The following GRK3 variants were observed in gnomAD, a reference collection of about 807,000 sequenced individuals.
GRK3 encodes G protein-coupled receptor kinase 3.
Under a neutral mutation model 95.7 loss-of-function variants are expected in GRK3, and 54 were observed. That is an observed-to-expected ratio of 0.56 (90% CI 0.45 to 0.71). The LOEUF is 0.71. Ranked by LOEUF, GRK3 falls within the 30% of genes least tolerant of loss-of-function variation. The pLI is 0.00. For synonymous variants in GRK3, 281 were observed against 290.8 expected (o/e 0.97, Z 0.34); for missense variants, 649 against 851.2 (o/e 0.76, Z 2.96).
At chr22:25,592,217 G>C (rs1413658158) in intron 1 of GRK3, among the ~76,000 whole-genome samples, 2 of 152,132 alleles carry the variant, frequency 1.3e-5, no homozygotes, top group Non-Finnish European at 2.9e-5. Context: ...ATTTTAATTC[G>C]CCTTTTCCTA....
intron 1 of GRK3, among the ~76,000 whole-genome samples, chr22:25,590,548 G>A (rs974226011): frequency 7.2e-5 from 11 of 152,300 alleles, no homozygotes; most frequent in African/African-American, 1.7e-4. Flanking sequence ...CAGGCCGGGC[G>A]CGGTGGCTCA....
chr22:25,718,936 AC>A (rs2085408616), intron 19 of GRK3, among the ~76,000 whole-genome samples: 2 of 152,244 alleles, frequency 1.3e-5, no homozygotes, highest in South Asian at 4.1e-4. Flanking sequence ...CAGAAAAAAA[AC>A]AACACAGTCT....
At chr22:25,582,702 CAGGTGGCATTTCG>C (rs1165592634) in intron 1 of GRK3, among the ~76,000 whole-genome samples, 1 of 152,146 alleles carries the variant, frequency 6.6e-6, no homozygotes, top group Non-Finnish European at 1.5e-5. Context: ...ATGTTAAATA[CAGGTGGCATTTCG>C]AGTGGAGGAG....
At chr22:25,647,690 T>C (rs966101441) in intron 3 of GRK3, 19 of 1,375,204 alleles carry the variant, frequency 1.4e-5, no homozygotes, top group East Asian at 2.3e-5. Context: ...GGTTATATCC[T>C]GAGCAGTTAT....
intron 1 of GRK3, among the ~76,000 whole-genome samples, chr22:25,568,188 G>C (rs1931560548): frequency 6.6e-6 from 1 of 152,142 alleles, no homozygotes; most frequent in Admixed American, 6.5e-5. Flanking sequence ...CATCATGTTG[G>C]AAAAGAAATA....
chr22:25,623,732 G>T (rs1037572492), intron 2 of GRK3, among the ~76,000 whole-genome samples: 2 of 152,206 alleles, frequency 1.3e-5, no homozygotes, highest in African/African-American at 4.8e-5. Context: ...AGCTGTCCAG[G>T]ATTCAAAGCT....
At chr22:25,625,135 C>T (rs755963682) in intron 2 of GRK3, among the ~76,000 whole-genome samples, 5 of 152,048 alleles carry the variant, frequency 3.3e-5, no homozygotes, top group Non-Finnish European at 7.4e-5. Flanking sequence ...CTGTGGGCGG[C>T]AAGCCACCCA....
intron 6 of GRK3, among the ~76,000 whole-genome samples, chr22:25,672,021 TG>T (rs2084986594): frequency 6.6e-6 from 1 of 152,240 alleles, no homozygotes; most frequent in South Asian, 2.1e-4. Flanking sequence ...ATTATATATG[TG>T]GTTCATATCA....
intron 2 of GRK3, among the ~76,000 whole-genome samples, chr22:25,609,025 T>C (rs1003694960): frequency 6.6e-6 from 1 of 152,236 alleles, no homozygotes; most frequent in Non-Finnish European, 1.5e-5. Context: ...TTAAGAAATA[T>C]TAAGTTGATC....
chr22:25,711,072 C>T lies in GRK3; in HGVS notation c.1400C>T (p.Pro467Leu), dbSNP rs1182153848. 3 of 1,610,554 alleles carry T rather than the reference C, an allele frequency of 1.9e-6. No individual in the cohort carries two copies. The highest frequency in any genetic ancestry group is 2.5e-6 in the Non-Finnish European group (3 of 1,177,740). Residue 467 changes from proline (P) to leucine (L), a missense_variant, in exon 17 of 21, where the codon CCA (proline) becomes CTA (leucine). By Grantham distance (98) the Pro-to-Leu change is moderately conservative (BLOSUM62 -3). Coordinates refer to ENST00000324198, the MANE Select transcript of GRK3 (RefSeq NM_005160.4). ...DWQHVYLQKY[P>L]PPLIPPRGEV... ...ATGCTTGTTTGGATCTTCCAGTACC[C>T]ACCACCCTTGATTCCTCCCCGGGGA...
chr22:25,617,850 C>T (rs1057076103), intron 2 of GRK3, among the ~76,000 whole-genome samples: 1 of 152,132 alleles, frequency 6.6e-6, no homozygotes, highest in Non-Finnish European at 1.5e-5. Context: ...GATCTCGGCT[C>T]CATGCAACCT....
At chr22:25,715,734 C>T (rs1199997582) in intron 18 of GRK3, among the ~76,000 whole-genome samples, 1 of 152,028 alleles carries the variant, frequency 6.6e-6, no homozygotes, top group South Asian at 2.1e-4. Context: ...GAGCAAAGAC[C>T]CTTGCAAGGT....
At chr22:25,571,223 C>A (rs1931691080) in intron 1 of GRK3, among the ~76,000 whole-genome samples, 1 of 152,154 alleles carries the variant, frequency 6.6e-6, no homozygotes, top group Non-Finnish European at 1.5e-5. Context: ...CTACTACCTA[C>A]CAAACTGTCA....
chr22:25,641,643 G>A (rs2084743882), intron 2 of GRK3, among the ~76,000 whole-genome samples: 1 of 152,224 alleles, frequency 6.6e-6, no homozygotes, highest in South Asian at 2.1e-4. Flanking sequence ...ATCATGAAAG[G>A]CCTCCTCAAG....
chr22:25,722,278 T>C lies in GRK3; in HGVS notation c.1906-11T>C. The C allele has an allele frequency of 6.2e-7, 1 of 1,611,972 alleles. No homozygotes were observed. On this transcript the variant is annotated splice_polypyrimidine_tract_variant and intron_variant, in intron 20 of 20. Transcript: ENST00000324198. ...GCCTGTCACAACGGCTGCCTTTGTA[T>C]TCCCCCTCAGAGTGATCCAGAGTTT...
chr22:25,621,749 T>C (rs900773531), intron 2 of GRK3, among the ~76,000 whole-genome samples: 12 of 152,216 alleles, frequency 7.9e-5, no homozygotes, highest in African/African-American at 2.7e-4. Context: ...AGCCCAGCCA[T>C]GGGTTTGTAT....
intron 15 of GRK3, among the ~76,000 whole-genome samples, chr22:25,704,550 A>G (rs796259642): frequency 1.3e-5 from 2 of 152,288 alleles, no homozygotes; most frequent in African/African-American, 4.8e-5. Context: ...AGCTAGGACC[A>G]CTGGGGTGTG....
intron 12 of GRK3, among the ~76,000 whole-genome samples, chr22:25,694,799 TC>T (rs2085193841): frequency 1.3e-5 from 2 of 152,302 alleles, no homozygotes; most frequent in South Asian, 2.1e-4. Flanking sequence ...ACATGAGAGC[TC>T]CTGAAACGGC....
Position 25,674,423 on chromosome 22 carries a change from T to A in GRK3, c.556-14T>A, listed in dbSNP as rs781297701. 1 of 1,598,272 alleles carries A rather than the reference T, an allele frequency of 6.3e-7. No individual in the cohort carries two copies. The highest frequency in any genetic ancestry group is 1.3e-5 in the African/African-American group (1 of 74,434). ...TGTAATCTTATGTTTTCATTTTGTG[T>A]TTGGATTTCCCAGTTGACCATGAAT... On this transcript the variant is annotated splice_polypyrimidine_tract_variant and intron_variant, in intron 7 of 20. Transcript: ENST00000324198.
Sources: allele counts gnomAD v4.1 joint callset (sites outside exome capture counted in the v4.1 genomes callset), GRCh38; gene constraint gnomAD v4.1.1; transcripts MANE v1.5; gene names NCBI Gene and HGNC (gene_info 2026-07-23, HGNC 2026-07-21).